The following RSL1D1 variants were observed in gnomAD, a reference collection of about 807,000 sequenced individuals.
RSL1D1 encodes ribosomal L1 domain-containing protein 1.
RSL1D1 carries 34 observed loss-of-function variants against 44.6 expected under a neutral mutation model. That is an observed-to-expected ratio of 0.76 (90% CI 0.58 to 1.02). The LOEUF is 1.02. Among genes scored for constraint, RSL1D1 ranks in the 50% least tolerant of loss-of-function variants. The pLI is 0.00. For synonymous variants in RSL1D1, 271 were observed against 207.4 expected, an observed-to-expected ratio of 1.31 and a Z score of -2.63; for missense variants, 767 against 568.1, an observed-to-expected ratio of 1.35 and a Z score of -3.56.
intron 5 of RSL1D1, among the ~76,000 whole-genome samples, chr16:11,845,699 C>T (rs1214074122): frequency 2.0e-5 from 3 of 151,788 alleles, no homozygotes; most frequent in Admixed American, 2.0e-4. Flanking sequence ...TGCTATCAGA[C>T]AACATTGTTC....
rs535242753 is a variant in RSL1D1, at chr16:11,837,356, G to C, written c.*431C>G. Reference sequence around the variant, plus strand: ...AACATATGTCAGGATTACTTATGGAGGTTTTATTATTTTTATTTATTTTTG... The same window carrying C: ...AACATATGTCAGGATTACTTATGGACGTTTTATTATTTTTATTTATTTTTG... On this transcript the variant is annotated 3_prime_UTR_variant, in exon 9 of 9. Transcript: ENST00000571133. The C allele has an allele frequency of 2.6e-5, 4 of 153,888 alleles. No individual in the cohort carries two copies. Among genetic ancestry groups the C allele is most frequent in the Non-Finnish European group, 5.7e-5 (4 of 70,112 alleles). 9.5% of individuals were successfully genotyped at this position (153,888 alleles called of 1,614,324 possible).
intron 2 of RSL1D1, chr16:11,849,118 G>A (rs2053818378): frequency 1.3e-5 from 2 of 152,178 alleles, no homozygotes; most frequent in Admixed American, 1.3e-4. Flanking sequence ...CAGGCATGGA[G>A]GCTCATGCCT....
At chr16:11,847,157 C>A (rs892131487) in intron 3 of RSL1D1, among the ~76,000 whole-genome samples, 3 of 152,142 alleles carry the variant, frequency 2.0e-5, no homozygotes, top group African/African-American at 7.2e-5. Flanking sequence ...GGGTGGATCA[C>A]CTGAGCTCAG....
In RSL1D1 at chr16:11,837,867, TG is replaced by T; in HGVS notation, c.1392del (p.Thr465LeufsTer6). The part of the protein sequence containing the change: ...TPKKPEAKFF[T>X]TPSKSVRKAS... ...GCTTTTCTCACAGATTTACTAGGAG[TG>T]GTGAAAAACTTGGCCTCTGGCTTTT... On this transcript the variant is annotated frameshift_variant, in exon 9 of 9. Transcript: ENST00000571133. LOFTEE classifies it low-confidence loss of function (END_TRUNC). 1 of 1,613,996 alleles carries T rather than the reference TG, an allele frequency of 6.2e-7. No individual in the cohort carries two copies. Among genetic ancestry groups the T allele is most frequent in the Non-Finnish European group, 8.5e-7 (1 of 1,180,010 alleles).
intron 5 of RSL1D1, 81 bp downstream of exon 5, chr16:11,846,420 C>T: frequency 1.3e-6 from 1 of 776,656 alleles, no homozygotes; most frequent in Non-Finnish European, 2.0e-6. Context: ...AAACAAAAAA[C>T]AAAACAAAAC....
intron 5 of RSL1D1, among the ~76,000 whole-genome samples, chr16:11,843,696 G>A (rs1430515581): frequency 6.6e-6 from 1 of 151,384 alleles, no homozygotes; most frequent in Non-Finnish European, 1.5e-5. Flanking sequence ...GTAAAACACC[G>A]TCTCTACTAA....
At position 11,841,730 on chromosome 16, in the gene RSL1D1, C is replaced by T. The variant is rs1204114216; in HGVS notation, c.820G>A (p.Ala274Thr). 10 of 1,613,678 alleles carry T rather than the reference C, an allele frequency of 6.2e-6. No individual in the cohort carries two copies. Among genetic ancestry groups the T allele is most frequent in the African/African-American group, 4.0e-5 (3 of 74,918 alleles). ...FSSFVSNWDE[A>T]TKRSLLNKKK... Reference sequence around the variant, plus strand: ...TTATTAAGCAAAGATCTTTTGGTGGCTTCATCCCAATTGCTGACAAACGAG... The same window carrying T: ...TTATTAAGCAAAGATCTTTTGGTGGTTTCATCCCAATTGCTGACAAACGAG... Residue 274 changes from alanine to threonine, a missense_variant, in exon 7 of 9, where the codon GCC becomes ACC. Transcript: ENST00000571133.
At position 11,838,011 on chromosome 16, in the gene RSL1D1, T is replaced by C. The variant is rs766884780; in HGVS notation, c.1249A>G (p.Lys417Glu). 1.2e-6 allele frequency: 2 copies of C among 1,613,938 alleles called. No individual in the cohort carries two copies. The highest frequency in any genetic ancestry group is 1.3e-5 in the African/African-American group (1 of 74,880). Residue 417 changes from lysine to glutamate, a missense_variant, in exon 9 of 9, where the codon AAA becomes GAA. Physicochemically the swap from Lys to Glu is moderately conservative, Grantham distance 56 (BLOSUM62 1). Transcript: ENST00000571133. ...CCTGGGGTCTCAGACTCTGCAGCTT[T>C]TGGGGTCTCAGATGCTGGCAAAGCC... ...RKALPASETPKAAESETPGKS... is the reference protein window; with the variant it reads ...RKALPASETPEAAESETPGKS...
chr16:11,838,121 A>G lies in RSL1D1; in HGVS notation c.1147-8T>C. ...TGTGGCATGTTTTTGAATCTAAGAA[A>G]AAAAAAAGTAAGTTTAATATAGAAA... On this transcript the variant is annotated splice_polypyrimidine_tract_variant and splice_region_variant and intron_variant, in intron 8 of 8. Transcript: ENST00000571133. 3.9e-6 allele frequency: 6 copies of G among 1,558,416 alleles called. No homozygotes were observed. Among genetic ancestry groups the G allele is most frequent in the Non-Finnish European group, 5.2e-6 (6 of 1,158,546 alleles).
At chr16:11,851,327 C>G in intron 1 of RSL1D1, 81 bp downstream of exon 1, 1 of 1,317,084 alleles carries the variant, frequency 7.6e-7, no homozygotes, top group South Asian at 1.2e-5. Flanking sequence ...CCGCCGAGCA[C>G]GCACTCGGGT....
chr16:11,836,452 A>C lies in RSL1D1; in HGVS notation c.*1335T>G, dbSNP rs2053719552. The C allele has an allele frequency of 6.6e-6, 1 of 152,218 alleles. No individual in the cohort carries two copies. Among genetic ancestry groups the C allele is most frequent in the Non-Finnish European group, 1.5e-5 (1 of 68,042 alleles). The allele number at this position is 152,218 out of a possible 1,614,324, so 9.4% of individuals were successfully genotyped here. A position where few individuals can be genotyped will look rare whatever the true frequency, so the allele number is the denominator to read the frequency against. ...TCTGTGAACTTACTACTACGGATGC[A>C]TACCAATTCACAACCAGTGAAAGGC... On this transcript the variant is annotated 3_prime_UTR_variant, in exon 9 of 9. Transcript: ENST00000571133.
chr16:11,835,990 T>C lies in RSL1D1; in HGVS notation c.*1797A>G, dbSNP rs1266822255. On this transcript the variant is annotated 3_prime_UTR_variant, in exon 9 of 9. Coordinates refer to ENST00000571133, the MANE Select transcript of RSL1D1 (RefSeq NM_015659.3). ...CCAGGGCCTGTGGCTCTGGAATGTCTAGACTTGCTGGCTCCTTGCTCTCCC... is the reference window on the plus strand; with the variant it reads ...CCAGGGCCTGTGGCTCTGGAATGTCCAGACTTGCTGGCTCCTTGCTCTCCC... 6.6e-6 allele frequency: 1 copy of C among 152,176 alleles called. No homozygotes were observed. The highest frequency in any genetic ancestry group is 2.4e-5 in the African/African-American group (1 of 41,434). 9.4% of individuals were successfully genotyped at this position (152,176 alleles called of 1,614,324 possible). A position where few individuals can be genotyped will look rare whatever the true frequency, so the allele number is the denominator to read the frequency against.
intron 2 of RSL1D1, among the ~76,000 whole-genome samples, chr16:11,848,856 C>T (rs1016125573): frequency 2.0e-5 from 3 of 150,710 alleles, no homozygotes; most frequent in Admixed American, 6.7e-5. Context: ...GGAGTCTCTG[C>T]AACCTCTGCC....
Position 11,842,825 on chromosome 16 carries a change from G to A in RSL1D1, c.636-825C>T, listed in dbSNP as rs531449012. On this transcript the variant is annotated intron_variant, in intron 5 of 8. Coordinates refer to ENST00000571133, the MANE Select transcript of RSL1D1 (RefSeq NM_015659.3). Reference sequence around the variant, plus strand: ...GGCTGAAGTGCAGTGACGTGATCTCGGCCCACTGCAACCTTCGCCTCCTGG... The same window carrying A: ...GGCTGAAGTGCAGTGACGTGATCTCAGCCCACTGCAACCTTCGCCTCCTGG... 1.8e-3 allele frequency among the ~76,000 whole-genome samples: 274 copies of A among 151,326 alleles called. 2 individuals carry two copies. The highest frequency in any genetic ancestry group is 4.0e-3 in the Admixed American group (60 of 15,142).
At chr16:11,848,675 G>C (rs569881843) in intron 2 of RSL1D1, among the ~76,000 whole-genome samples, 2 of 152,200 alleles carry the variant, frequency 1.3e-5, no homozygotes, top group East Asian at 3.9e-4. Flanking sequence ...TGTATTTTTC[G>C]TAGAGACAGG....
chr16:11,850,362 A>G lies in RSL1D1; in HGVS notation c.162T>C (p.Tyr54=), dbSNP rs573132376. The G allele has an allele frequency of 4.0e-5, 64 of 1,601,380 alleles. No homozygotes were observed. Among genetic ancestry groups the G allele is most frequent in the Middle Eastern group, 1.7e-4 (1 of 6,036 alleles). ...LTHCKSRKNN[Y]GLLLNENESL... is the part of the protein sequence containing the mutation. Reference sequence around the variant, plus strand: ...TTTCATTCTCATTCAAAAGCAACCCATAATTGTTTTTCCTGGACTTGCAAT... The same window carrying G: ...TTTCATTCTCATTCAAAAGCAACCCGTAATTGTTTTTCCTGGACTTGCAAT... The change falls in exon 2 of 9, where the codon TAT becomes TAC. Residue 54 remains tyrosine, a synonymous_variant. Transcript: ENST00000571133.
intron 2 of RSL1D1, 96 bp downstream of exon 2, chr16:11,850,183 T>C: frequency 8.2e-7 from 1 of 1,220,454 alleles, no homozygotes; most frequent in Non-Finnish European, 1.1e-6. Flanking sequence ...TATTATAAGT[T>C]TGCAAAGTTT....
rs1354611739 is a variant in RSL1D1 at position 11,850,295 on chromosome 16, C to G, written c.229G>C (p.Glu77Gln). ...MVVLWKIPSK[E>Q]LRVRLTLPHS... ...ACAACTTACAATCTGACCCTCAGTT[C>G]TTTACTTGGAATTTTCCATAATACC... The change falls in exon 2 of 9, where the codon GAA becomes CAA. Residue 77 changes from glutamate to glutamine, a missense_variant. Physicochemically the swap from Glu to Gln is conservative, Grantham distance 29. Coordinates refer to ENST00000571133, the MANE Select transcript of RSL1D1 (RefSeq NM_015659.3). The G allele has an allele frequency of 1.9e-6, 3 of 1,584,946 alleles. No individual in the cohort carries two copies. In the Admixed American group the frequency reaches 6.0e-5, roughly 32 times the overall value.
At chr16:11,842,241 C>T (rs1291749628) in intron 5 of RSL1D1, among the ~76,000 whole-genome samples, 2 of 151,844 alleles carry the variant, frequency 1.3e-5, no homozygotes, top group African/African-American at 4.8e-5. Context: ...GCAGAAAAAT[C>T]ACCTGAGCCC....
Sources: allele counts gnomAD v4.1 joint callset (sites outside exome capture counted in the v4.1 genomes callset), GRCh38; gene constraint gnomAD v4.1.1; transcripts MANE v1.5; gene names NCBI Gene and HGNC (gene_info 2026-07-23, HGNC 2026-07-21).